Variants in POM121 observed in about 807,000 individuals in gnomAD.
POM121 encodes nuclear envelope pore membrane protein POM 121.
A neutral mutation model predicts 81.3 loss-of-function variants in POM121; 32 were observed. The ratio of observed to expected loss-of-function variants is 0.39; its 90% CI spans 0.30 to 0.53. POM121 has a LOEUF of 0.53. Among genes scored for constraint, POM121 ranks in the 20% least tolerant of loss-of-function variants. The pLI, the probability that POM121 is intolerant of heterozygous loss-of-function variation, is 0.66. For synonymous variants in POM121, 514 were observed against 694.2 expected (o/e 0.74, Z 4.08); for missense variants, 1,138 against 1,614.6 (o/e 0.70, Z 5.06).
intron 11 of POM121, 64 bp downstream of exon 11, chr7:72,943,586 G>A (rs1399568123): frequency 6.4e-7 from 1 of 1,556,420 alleles, no homozygotes; most frequent in African/African-American, 1.4e-5. Flanking sequence ...TGCGAAGCCT[G>A]TGGTCTCGGG....
intron 1 of POM121, among the ~76,000 whole-genome samples, chr7:72,887,879 A>T (rs1790891735): frequency 1.3e-5 from 2 of 152,014 alleles, no homozygotes; most frequent in Admixed American, 1.3e-4. Flanking sequence ...TGCTTCGTAT[A>T]TGTTCTTGTT....
At chr7:72,881,221 T>C (rs1170525293) in intron 1 of POM121, among the ~76,000 whole-genome samples, 2 of 152,008 alleles carry the variant, frequency 1.3e-5, no homozygotes, top group Non-Finnish European at 2.9e-5. Flanking sequence ...TGTGACACTA[T>C]GCCTGGCTAA....
At chr7:72,941,797 A>C (rs1161083081) in intron 10 of POM121, 40 bp from the exon 11 acceptor site, 43 of 1,546,318 alleles carry the variant, frequency 2.8e-5, no homozygotes, top group Non-Finnish European at 3.0e-5. Context: ...TCATCTTTGA[A>C]GTGTTTATTC....
intron 2 of POM121, 141 bp downstream of exon 2, chr7:72,926,618 C>T: frequency 6.7e-7 from 1 of 1,489,174 alleles, no homozygotes; most frequent in Non-Finnish European, 9.1e-7. Flanking sequence ...TCTAGTAAAC[C>T]CTTTTGTTTT....
chr7:72,881,339 T>C (rs1554489261), intron 1 of POM121, among the ~76,000 whole-genome samples: 1 of 149,502 alleles, frequency 6.7e-6, no homozygotes, highest in African/African-American at 2.5e-5. Flanking sequence ...GGCGAAACCC[T>C]GTATCACTCT....
chr7:72,891,932 T>C lies in POM121; in HGVS notation c.-216+822T>C, dbSNP rs1200924254. 8.6e-4 allele frequency among the ~76,000 whole-genome samples: 131 copies of C among 152,210 alleles called. 11 individuals carry two copies. ...TTGAGTCACAGCTTGTGGTGTACGT[T>C]ATTTCCCCAAGTCCATGCTCAGTTG... On this transcript the variant is annotated intron_variant, in intron 3 of 15. Transcript: ENST00000395270.
rs566036083 is a variant in POM121 at position 72,908,642 on chromosome 7, G to A, written c.-215-5123G>A. On this transcript the variant is annotated intron_variant, in intron 3 of 15. Coordinates refer to the POM121 transcript ENST00000395270. ...CTTATTTCCTCCCTTATCTGCAACC[G>A]TAAAAGACAGACGTTCCCAGAGCGG... 7.9e-5 allele frequency among the ~76,000 whole-genome samples: 12 copies of A among 152,246 alleles called. No homozygotes were observed. In the South Asian group the frequency reaches 1.9e-3, roughly 24 times the overall value.
upstream of POM121, among the ~76,000 whole-genome samples, chr7:72,922,708 TGTA>T (rs1238691230): frequency 5.9e-5 from 9 of 152,228 alleles, no homozygotes; most frequent in African/African-American, 2.2e-4. Flanking sequence ...TAACTTTTAA[TGTA>T]GTCATATTTA....
chr7:72,945,233 G>A (rs1797556823), intron 11 of POM121, among the ~76,000 whole-genome samples: 2 of 152,150 alleles, frequency 1.3e-5, no homozygotes, highest in Admixed American at 6.5e-5. Context: ...CGGTGGCTGG[G>A]GGAAAAGGCC....
At chr7:72,889,164 A>G (rs1291652258) in intron 1 of POM121, among the ~76,000 whole-genome samples, 1 of 152,156 alleles carries the variant, frequency 6.6e-6, no homozygotes, top group Non-Finnish European at 1.5e-5. Flanking sequence ...TGCTTTCTGG[A>G]CTAACTTAAC....
chr7:72,914,552 G>A (rs781947271), intron 4 of POM121, among the ~76,000 whole-genome samples: 1 of 149,186 alleles, frequency 6.7e-6, no homozygotes, highest in Non-Finnish European at 1.5e-5. Flanking sequence ...ATAGGGTCTC[G>A]CTGTAGAGAT....
chr7:72,913,514 G>A (rs1186738393), intron 3 of POM121, among the ~76,000 whole-genome samples: 1 of 152,206 alleles, frequency 6.6e-6, no homozygotes, highest in African/African-American at 2.4e-5. Flanking sequence ...TGGGAGCAGG[G>A]ATTGGCTGCC....
At chr7:72,904,237 C>G (rs1448546806) in intron 3 of POM121, among the ~76,000 whole-genome samples, 57 of 152,254 alleles carry the variant, frequency 3.7e-4, no homozygotes, top group African/African-American at 1.3e-3. Context: ...ATGTGCATGG[C>G]TACTGAAATT....
chr7:72,888,630 T>A (rs534120377), intron 1 of POM121, among the ~76,000 whole-genome samples: 5 of 152,264 alleles, frequency 3.3e-5, no homozygotes, highest in Non-Finnish European at 2.9e-5. Flanking sequence ...TTTTTCCCTG[T>A]TAAGTAAAAT....
At chr7:72,935,667 G>A (rs1426994331) in intron 5 of POM121, among the ~76,000 whole-genome samples, 2 of 150,950 alleles carry the variant, frequency 1.3e-5, no homozygotes, top group East Asian at 2.0e-4. Context: ...TTTTAGTAGA[G>A]ACAGGGTTTC....
chr7:72,893,445 G>T (rs1359214380), intron 3 of POM121, among the ~76,000 whole-genome samples: 1 of 151,988 alleles, frequency 6.6e-6, no homozygotes, highest in Non-Finnish European at 1.5e-5. Flanking sequence ...TTAGCCGGGC[G>T]TGGTGGCGGG....
At chr7:72,911,780 G>A (rs1793830177) in intron 3 of POM121, among the ~76,000 whole-genome samples, 2 of 152,210 alleles carry the variant, frequency 1.3e-5, no homozygotes, top group Non-Finnish European at 2.9e-5. Context: ...TCGGTACATG[G>A]TGCTTGTTGT....
In POM121 at chr7:72,946,244, C is replaced by G. The variant is rs1459269728; in HGVS notation, c.*10C>G. ...CACCCGCAAAAAGTAGCCTTTGTCCCCTGTCCCTGTTCCCCCCACCCCTTC... is the reference window on the plus strand; with the variant it reads ...CACCCGCAAAAAGTAGCCTTTGTCCGCTGTCCCTGTTCCCCCCACCCCTTC... On this transcript the variant is annotated 3_prime_UTR_variant, in exon 13 of 13. Transcript: ENST00000434423. 2.5e-6 allele frequency: 4 copies of G among 1,610,786 alleles called. No individual in the cohort carries two copies. The African/African-American group carries it at 4.0e-5, about 16-fold the overall frequency.
At chr7:72,896,788 A>G (rs1450458609) in intron 3 of POM121, among the ~76,000 whole-genome samples, 1 of 152,192 alleles carries the variant, frequency 6.6e-6, no homozygotes, top group African/African-American at 2.4e-5. Context: ...CTATTAGAAC[A>G]TGTCACATTC....
Sources: allele counts gnomAD v4.1 joint callset (sites outside exome capture counted in the v4.1 genomes callset), GRCh38; gene constraint gnomAD v4.1.1; transcripts MANE v1.5; gene names NCBI Gene and HGNC (gene_info 2026-07-23, HGNC 2026-07-21).